SNRPN: variants seen among roughly 807,000 people sequenced by gnomAD.
SNRPN encodes small nuclear ribonucleoprotein-associated protein N.
In SNRPN, 7 loss-of-function variants were observed where a neutral mutation model predicts 25.2. The observed-to-expected ratio is 0.28, with a 90% CI of 0.16 to 0.52. SNRPN has a LOEUF of 0.52. Ranked by LOEUF, SNRPN falls within the 20% of genes least tolerant of loss-of-function variation. The pLI is 0.96. For synonymous variants in SNRPN, 124 were observed against 110.6 expected, an observed-to-expected ratio of 1.12 and a Z score of -0.76; for missense variants, 196 against 322.5, an observed-to-expected ratio of 0.61 and a Z score of 3.00.
intron 1 of SNRPN, among the ~76,000 whole-genome samples, chr15:24,857,815 A>G (rs779873896): frequency 3.3e-5 from 5 of 152,142 alleles, no homozygotes; most frequent in Admixed American, 6.5e-5. Flanking sequence ...GCAGGAGACC[A>G]TAGTTTTATT....
At chr15:24,848,254 G>GCGGGGGCGGGGC (rs2145114743) in intron 2 of SNRPN, 1 of 135,922 alleles carries the variant, frequency 7.4e-6, no homozygotes, top group East Asian at 2.2e-4. Flanking sequence ...GGCGGCGGGG[G>GCGGGGGCGGGGC]CGGGGGCGGG....
intron 2 of SNRPN, among the ~76,000 whole-genome samples, chr15:24,888,112 CTTT>C (rs113183574): frequency 1.4e-5 from 2 of 139,898 alleles, no homozygotes; most frequent in Non-Finnish European, 1.5e-5. Context: ...TTAGAAATGA[CTTT>C]TTTTTTTTTT....
chr15:24,977,178 G>A (rs1286609205), intron 7 of SNRPN, 149 bp downstream of exon 7: 16 of 575,504 alleles, frequency 2.8e-5, no homozygotes, highest in Non-Finnish European at 4.2e-5. Context: ...GGGAGGAAGG[G>A]AATAAAACTA....
chr15:24,936,490 T>C (rs536099126), intron 3 of SNRPN, among the ~76,000 whole-genome samples: 94 of 152,148 alleles, frequency 6.2e-4, no homozygotes, highest in Admixed American at 1.5e-3. Flanking sequence ...GGGACTGTAT[T>C]GGTCCATTCC....
chr15:24,879,769 G>A (rs1261165758), intron 1 of SNRPN, among the ~76,000 whole-genome samples: 2 of 151,996 alleles, frequency 1.3e-5, no homozygotes, highest in African/African-American at 4.8e-5. Context: ...TTTTTGTATT[G>A]CCGATAGCTG....
intron 2 of SNRPN, among the ~76,000 whole-genome samples, chr15:24,964,115 A>G (rs1218446967): frequency 6.6e-6 from 1 of 151,346 alleles, no homozygotes; most frequent in Non-Finnish European, 1.5e-5. Flanking sequence ...ATTTTTTCCT[A>G]TTTATTTTGC....
upstream of SNRPN, among the ~76,000 whole-genome samples, chr15:24,852,414 G>A (rs1019061396): frequency 1.1e-4 from 16 of 152,220 alleles, no homozygotes; most frequent in Middle Eastern, 3.4e-3. Context: ...GCCAAATCAG[G>A]TCTTCTTCAT....
chr15:24,916,541 C>A (rs2059534706), intron 2 of SNRPN, among the ~76,000 whole-genome samples: 1 of 151,846 alleles, frequency 6.6e-6, no homozygotes, highest in South Asian at 2.1e-4. Flanking sequence ...TGTGATAGAA[C>A]CAGATCGTCT....
At chr15:24,949,833 C>CT (rs892102485) in intron 3 of SNRPN, among the ~76,000 whole-genome samples, 131 of 144,966 alleles carry the variant, frequency 9.0e-4, no homozygotes, top group Middle Eastern at 3.5e-3. Context: ...TTCTTTCTTT[C>CT]TTTTTTTTTT....
Position 24,957,769 on chromosome 15 carries a change from C to T in SNRPN, c.-391+2707C>T, listed in dbSNP as rs948286071. 3.3e-5 allele frequency among the ~76,000 whole-genome samples: 5 copies of T among 151,936 alleles called. No homozygotes were observed. The South Asian group carries it at 1.0e-3, about 32-fold the overall frequency. ...TTCTGCTTGCATGAAGATAGCAGTT[C>T]ACATACATATATTTCTTGGTTTAAC... On this transcript the variant is annotated intron_variant, in intron 1 of 9. Transcript: ENST00000390687.
intron 2 of SNRPN, among the ~76,000 whole-genome samples, chr15:24,835,077 A>G (rs1388044325): frequency 1.4e-5 from 1 of 70,816 alleles, no homozygotes; most frequent in African/African-American, 4.3e-5. Context: ...TAGTATATAT[A>G]TCTATATATA....
intron 1 of SNRPN, among the ~76,000 whole-genome samples, chr15:24,880,464 C>A (rs2056471098): frequency 6.6e-6 from 1 of 152,108 alleles, no homozygotes; most frequent in African/African-American, 2.4e-5. Context: ...AATTAAAATT[C>A]ATCACCAATT....
chr15:24,850,871 G>T (rs143348514), intron 2 of SNRPN: 8 of 152,198 alleles, frequency 5.3e-5, no homozygotes, highest in African/African-American at 1.7e-4. Flanking sequence ...CACTTTGAAA[G>T]AAAATTTAAG....
intron 1 of SNRPN, among the ~76,000 whole-genome samples, chr15:24,882,823 C>CAAAAA (rs10543501): frequency 1.6e-5 from 2 of 127,162 alleles, no homozygotes; most frequent in East Asian, 2.3e-4. Flanking sequence ...GACTCCATCT[C>CAAAAA]AAAAAAAAAA....
rs1356219928 is a variant in SNRPN at position 24,964,480 on chromosome 15, GAC to G, written c.-295+2273_-295+2274del. ...GCTAATTTTGTATTTTTTTAGTAGA[GAC>G]AGGGTTTCTCCATGTTGGTCAGGCT... On this transcript the variant is annotated intron_variant, in intron 2 of 9. Transcript: ENST00000390687. 2.6e-5 allele frequency among the ~76,000 whole-genome samples: 4 copies of G among 152,160 alleles called. No homozygotes were observed. The East Asian group carries it at 7.7e-4, about 29-fold the overall frequency.
chr15:24,945,742 C>T (rs2061844291), intron 3 of SNRPN, among the ~76,000 whole-genome samples: 1 of 152,182 alleles, frequency 6.6e-6, no homozygotes, highest in Non-Finnish European at 1.5e-5. Context: ...TGTTCATTCT[C>T]TTCCTGAGCC....
intron 3 of SNRPN, 117 bp downstream of exon 3, chr15:24,968,199 A>G: frequency 4.5e-6 from 3 of 664,070 alleles, no homozygotes; most frequent in Non-Finnish European, 7.9e-6. Flanking sequence ...CATACAATAA[A>G]CACATTGCAG....
chr15:24,851,971 A>C (rs1398791232), upstream of SNRPN: 1 of 152,222 alleles, frequency 6.6e-6, no homozygotes, highest in Non-Finnish European at 1.5e-5. Flanking sequence ...ATTCTATCAC[A>C]TATGACTTTT....
upstream of SNRPN, among the ~76,000 whole-genome samples, chr15:24,852,952 GAAAA>G (rs920876897): frequency 6.6e-6 from 1 of 151,832 alleles, no homozygotes; most frequent in African/African-American, 2.4e-5. Context: ...AGAGAGAAAA[GAAAA>G]AATAACAGAG....
Sources: allele counts gnomAD v4.1 joint callset (sites outside exome capture counted in the v4.1 genomes callset), GRCh38; gene constraint gnomAD v4.1.1; transcripts MANE v1.5; gene names NCBI Gene and HGNC (gene_info 2026-07-23, HGNC 2026-07-21).